Variants in SH2B2 observed in about 807,000 individuals in gnomAD.
SH2B2 encodes the protein SH2B adapter protein 2.
Under a neutral mutation model 35.7 loss-of-function variants are expected in SH2B2, and 37 were observed. The observed-to-expected ratio is 1.04, with a 90% confidence interval of 0.80 to 1.36. SH2B2 has a LOEUF of 1.36. Ranked by LOEUF, SH2B2 falls within the 40% of genes most tolerant of loss-of-function variation. The pLI is 0.00. For synonymous variants in SH2B2, 383 were observed against 376.4 expected, an observed-to-expected ratio of 1.02 and a Z score of -0.20; for missense variants, 852 against 817.7, an observed-to-expected ratio of 1.04 and a Z score of -0.51.
chr7:102,296,354 T>C (rs1311648409), intron 1 of SH2B2, among the ~76,000 whole-genome samples: 2 of 152,182 alleles, frequency 1.3e-5, no homozygotes, highest in Non-Finnish European at 2.9e-5. Flanking sequence ...CCGGAAACTG[T>C]GGGGACCCTG....
intron 4 of SH2B2, among the ~76,000 whole-genome samples, chr7:102,311,577 T>TTA (rs1563563399): frequency 7.3e-6 from 1 of 136,086 alleles, no homozygotes. Flanking sequence ...TTTTTTTTTT[T>TTA]AGAGACGGGA....
intron 1 of SH2B2, among the ~76,000 whole-genome samples, chr7:102,295,467 A>G (rs1402318638): frequency 6.6e-6 from 1 of 152,042 alleles, no homozygotes; most frequent in Non-Finnish European, 1.5e-5. Context: ...TGGGCTCGTG[A>G]CCTTCCCTGG....
intron 4 of SH2B2, among the ~76,000 whole-genome samples, chr7:102,313,906 G>A (rs927537130): frequency 4.0e-5 from 6 of 149,352 alleles, no homozygotes; most frequent in Admixed American, 1.3e-4. Flanking sequence ...GTGAGACTCC[G>A]TCTCAAAAAA....
chr7:102,308,972 A>G, intron 4 of SH2B2, 66 bp downstream of exon 4: 1 of 1,268,922 alleles, frequency 7.9e-7, no homozygotes, highest in South Asian at 1.2e-5. Flanking sequence ...AGCCTTCACC[A>G]GGAGCAGCTT....
intron 2 of SH2B2, among the ~76,000 whole-genome samples, chr7:102,304,986 C>T (rs1298357765): frequency 1.3e-5 from 2 of 152,250 alleles, no homozygotes; most frequent in African/African-American, 2.4e-5. Context: ...CCCAAGGGGG[C>T]CTCAGGCTCA....
chr7:102,299,685 A>G (rs1439239661), intron 1 of SH2B2, among the ~76,000 whole-genome samples: 1 of 152,228 alleles, frequency 6.6e-6, no homozygotes, highest in Non-Finnish European at 1.5e-5. Flanking sequence ...TCAAAGGTCC[A>G]GCCAGCAGGA....
Position 102,321,493 on chromosome 7 carries a change from G to C in SH2B2, c.1762G>C (p.Gly588Arg). 1 of 1,166,424 alleles carries C rather than the reference G, an allele frequency of 8.6e-7. No homozygotes were observed. The highest frequency in any genetic ancestry group is 1.1e-6 in the Non-Finnish European group (1 of 945,048). The allele number at this position is 1,166,424 out of a possible 1,614,324, so 72.3% of individuals were successfully genotyped here. ...SGPAPPRPVEGQLSARSRSNS... is the reference protein window; with the variant it reads ...SGPAPPRPVERQLSARSRSNS... ...GCCCGCCCCCCCGCGCCCCGTCGAG[G>C]GCCAGCTCAGCGCGCGGAGCCGCAG... The change falls in exon 9 of 9, where the codon GGC becomes CGC. Residue 588 changes from glycine to arginine, a missense_variant. Physicochemically the swap from Gly to Arg is moderately radical, Grantham distance 125. This residue lies in a region of SH2B2 where 556 missense variants were observed against 514.5 expected (regional missense o/e 1.08). Transcript: ENST00000444095.
At chr7:102,320,294 CG>C in intron 7 of SH2B2, 36 bp from the exon 8 acceptor site, 1 of 1,565,670 alleles carries the variant, frequency 6.4e-7, no homozygotes, top group South Asian at 1.1e-5. Context: ...TGCCCAGCCC[CG>C]GACCTGCCCC....
Position 102,300,702 on chromosome 7 carries a change from C to T in SH2B2, c.152C>T (p.Ala51Val), listed in dbSNP as rs1432127636. ...KFCRFLRDNP[A>V]YDTPDAGASF... ...TGCCGTTTCCTGCGGGACAACCCAG[C>T]TTACGACACGCCCGACGCCGGCGCC... is the stretch of plus-strand genomic sequence containing the variant. The change falls in exon 2 of 9, where the codon GCT becomes GTT. Residue 51 changes from alanine to valine, a missense_variant. By Grantham distance (64) the Ala-to-Val change is moderately conservative. This residue lies in a region of SH2B2 where 294 missense variants were observed against 286.6 expected (regional missense o/e 1.03). Coordinates refer to ENST00000444095, the MANE Select transcript of SH2B2 (RefSeq NM_001359228.2). The T allele has an allele frequency of 3.3e-5, 51 of 1,542,342 alleles. No individual in the cohort carries two copies. The highest frequency in any genetic ancestry group is 1.7e-4 in the Middle Eastern group (1 of 5,984).
chr7:102,319,001 C>T (rs1422536442), intron 7 of SH2B2, among the ~76,000 whole-genome samples: 2 of 152,102 alleles, frequency 1.3e-5, no homozygotes, highest in Non-Finnish European at 2.9e-5. Flanking sequence ...AGCCTTGAAC[C>T]TGCCTCTCAC....
intron 4 of SH2B2, among the ~76,000 whole-genome samples, chr7:102,313,410 T>C (rs1259117678): frequency 1.3e-5 from 2 of 151,848 alleles, no homozygotes; most frequent in African/African-American, 4.8e-5. Flanking sequence ...ATCGTGCCAC[T>C]GCACTCCAGC....
intron 4 of SH2B2, chr7:102,309,236 G>A (rs971729819): frequency 4.0e-5 from 20 of 498,866 alleles, no homozygotes; most frequent in African/African-American, 3.1e-4. Flanking sequence ...CTGGGGGCCT[G>A]GTGCAGTGGC....
chr7:102,299,948 C>T (rs1793078844), intron 1 of SH2B2, among the ~76,000 whole-genome samples: 1 of 152,234 alleles, frequency 6.6e-6, no homozygotes, highest in African/African-American at 2.4e-5. Flanking sequence ...TTTGCAGTCT[C>T]CCTCTGTCGC....
chr7:102,321,407 C>A lies in SH2B2; in HGVS notation c.1676C>A (p.Ser559Ter). The A allele has an allele frequency of 7.4e-7, 1 of 1,347,248 alleles. No homozygotes were observed. Among genetic ancestry groups the A allele is most frequent in the Non-Finnish European group, 9.5e-7 (1 of 1,048,204 alleles). 83.5% of individuals were successfully genotyped at this position (1,347,248 alleles called of 1,614,324 possible). ...GCCGCGGCCGCCTGCCCGCCTGCCTCGCCCTCCGACGCCGCCGGCGCCTCC... is the reference window on the plus strand; with the variant it reads ...GCCGCGGCCGCCTGCCCGCCTGCCTAGCCCTCCGACGCCGCCGGCGCCTCC... Reference protein sequence around the residue: ...SLAAAACPPASPSDAAGASSS... With the variant: ...SLAAAACPPA Residue 559 changes from serine (S) to a stop codon, truncating the protein, a stop_gained, in exon 9 of 9, where the codon TCG (serine) becomes TAG (stop). Coordinates refer to ENST00000444095, the MANE Select transcript of SH2B2 (RefSeq NM_001359228.2). LOFTEE classifies it low-confidence loss of function (END_TRUNC).
intron 4 of SH2B2, chr7:102,309,695 A>T (rs1276211190): frequency 6.0e-6 from 1 of 167,912 alleles, no homozygotes; most frequent in African/African-American, 2.4e-5. Context: ...AAATAGAGAG[A>T]GCTGGAGAGA....
intron 3 of SH2B2, 32 bp downstream of exon 3, chr7:102,306,854 C>T: frequency 6.7e-7 from 1 of 1,497,362 alleles, no homozygotes; most frequent in Non-Finnish European, 9.1e-7. Flanking sequence ...CAGAGATCCT[C>T]CAGCTGCCCC....
rs782030142 is a variant in SH2B2, at chr7:102,300,937, C to T, written c.387C>T (p.Ala129=). The change falls in exon 2 of 9, where the codon GCC becomes GCT. Residue 129 remains alanine (A), a synonymous_variant. Coordinates refer to ENST00000444095, the MANE Select transcript of SH2B2 (RefSeq NM_001359228.2). ...EDVSTHAATK[A]RVRKGFSLRN... Reference sequence around the variant, plus strand: ...TGTCCACGCACGCGGCCACCAAGGCCCGCGTTCGCAAGGGCTTCTCGCTGC... The same window carrying T: ...TGTCCACGCACGCGGCCACCAAGGCTCGCGTTCGCAAGGGCTTCTCGCTGC... 2.7e-6 allele frequency: 4 copies of T among 1,487,870 alleles called. No individual in the cohort carries two copies. Among genetic ancestry groups the T allele is most frequent in the Non-Finnish European group, 2.7e-6 (3 of 1,122,404 alleles). The allele number at this position is 1,487,870 out of a possible 1,614,324, so 92.2% of individuals were successfully genotyped here. A position where few individuals can be genotyped will look rare whatever the true frequency, so the allele number is the denominator to read the frequency against.
At chr7:102,293,862 T>A (rs1554552181) in intron 1 of SH2B2, among the ~76,000 whole-genome samples, 1 of 152,078 alleles carries the variant, frequency 6.6e-6, no homozygotes, top group South Asian at 2.1e-4. Context: ...AGTCCAGATC[T>A]CCCAGAGCCC....
chr7:102,287,485 G>T (rs1792500752), intron 1 of SH2B2, among the ~76,000 whole-genome samples: 1 of 152,178 alleles, frequency 6.6e-6, no homozygotes, highest in Non-Finnish European at 1.5e-5. Context: ...CGCTGGGAGC[G>T]CTGGGAGGGG....
Sources: gnomAD v4.1 joint callset for allele counts (sites outside exome capture counted in the v4.1 genomes callset) on GRCh38, gnomAD v4.1.1 for gene constraint, gnomAD v4.1.1 regional missense constraint, MANE v1.5 for transcripts, NCBI Gene and HGNC (gene_info 2026-07-23, HGNC 2026-07-21) for gene names.